ENTREP2: variants seen among roughly 807,000 people sequenced by gnomAD.
ENTREP2 encodes endosomal transmembrane epsin interactor 2.
the ENTREP2 span, among the ~76,000 whole-genome samples, chr15:29,517,700 C>G: frequency 6.6e-6 from 1 of 152,004 alleles, no homozygotes; most frequent in Non-Finnish European, 1.5e-5. Context: ...CCATGAACAG[C>G]GTGATGTCGA....
the ENTREP2 span, among the ~76,000 whole-genome samples, chr15:29,511,967 C>T: frequency 2.6e-5 from 4 of 151,660 alleles, no homozygotes; most frequent in African/African-American, 9.7e-5. Flanking sequence ...CTCATGCATA[C>T]TACAATATTA....
At chr15:29,292,167 T>C in the ENTREP2 span, among the ~76,000 whole-genome samples, 1 of 152,232 alleles carries the variant, frequency 6.6e-6, no homozygotes, top group South Asian at 2.1e-4. Context: ...GCCAGCACTT[T>C]CATGTTCTTA....
chr15:29,478,563 G>T, the ENTREP2 span, among the ~76,000 whole-genome samples: 2 of 151,972 alleles, frequency 1.3e-5, no homozygotes, highest in Non-Finnish European at 2.9e-5. Context: ...ATCCCTCATG[G>T]CTTGATGCCG....
the ENTREP2 span, among the ~76,000 whole-genome samples, chr15:29,357,561 G>A: frequency 1.3e-5 from 2 of 152,170 alleles, no homozygotes; most frequent in African/African-American, 2.4e-5. Flanking sequence ...ATCTCAGCCA[G>A]GCGTGGTGGC....
chr15:29,293,143 C>T, the ENTREP2 span, among the ~76,000 whole-genome samples: 5 of 152,090 alleles, frequency 3.3e-5, no homozygotes, highest in South Asian at 2.1e-4. Flanking sequence ...GCAAAGGCTC[C>T]GGAGGAGGAC....
At chr15:29,546,463 T>C in the ENTREP2 span, among the ~76,000 whole-genome samples, 1 of 151,598 alleles carries the variant, frequency 6.6e-6, no homozygotes, top group Non-Finnish European at 1.5e-5. Flanking sequence ...AGGAAAAGGA[T>C]GATACAAGTG....
chr15:29,264,948 CTG>C, the ENTREP2 span: 1 of 152,076 alleles, frequency 6.6e-6, no homozygotes, highest in African/African-American at 2.4e-5. Flanking sequence ...TATCAGAAAA[CTG>C]TATGTTATTA....
At chr15:29,286,010 T>A in the ENTREP2 span, among the ~76,000 whole-genome samples, 1 of 152,194 alleles carries the variant, frequency 6.6e-6, no homozygotes, top group South Asian at 2.1e-4. Flanking sequence ...TGATTTTTTT[T>A]AAACTAACAA....
chr15:29,232,936 T>C, the ENTREP2 span, among the ~76,000 whole-genome samples: 2 of 152,248 alleles, frequency 1.3e-5, no homozygotes, highest in South Asian at 4.1e-4. Context: ...GGTGAGATAG[T>C]AAACCATTTG....
the ENTREP2 span, among the ~76,000 whole-genome samples, chr15:29,506,984 C>G: frequency 6.6e-6 from 1 of 152,014 alleles, no homozygotes; most frequent in Non-Finnish European, 1.5e-5. Context: ...GAGTCAAGAC[C>G]CATCCATGTG....
the ENTREP2 span, among the ~76,000 whole-genome samples, chr15:29,662,402 G>T: frequency 2.0e-5 from 3 of 151,990 alleles, no homozygotes; most frequent in African/African-American, 7.3e-5. Context: ...TAAAAAATCC[G>T]ATGTGAAGAT....
chr15:29,603,048 G>A, the ENTREP2 span, among the ~76,000 whole-genome samples: 1 of 152,214 alleles, frequency 6.6e-6, no homozygotes, highest in African/African-American at 2.4e-5. Flanking sequence ...AATGACGAAA[G>A]GGGAAGAGCT....
At chr15:29,623,617 A>T in the ENTREP2 span, among the ~76,000 whole-genome samples, 1 of 152,202 alleles carries the variant, frequency 6.6e-6, no homozygotes, top group Admixed American at 6.5e-5. Flanking sequence ...TGAAAGCTCC[A>T]GTTCCAGATA....
the ENTREP2 span, among the ~76,000 whole-genome samples, chr15:29,531,408 G>A: frequency 1.3e-5 from 2 of 152,104 alleles, no homozygotes; most frequent in South Asian, 2.1e-4. Flanking sequence ...GGACTGGTGT[G>A]GGGGAGGGCC....
the ENTREP2 span, among the ~76,000 whole-genome samples, chr15:29,484,367 A>G: frequency 6.6e-6 from 1 of 152,174 alleles, no homozygotes; most frequent in African/African-American, 2.4e-5. Flanking sequence ...AATCTGTCAC[A>G]CCACCCACAA....
the ENTREP2 span, among the ~76,000 whole-genome samples, chr15:29,326,723 T>C: frequency 1.3e-5 from 2 of 152,132 alleles, no homozygotes; most frequent in Admixed American, 1.3e-4. Context: ...CAAACTTATA[T>C]GAAGAGGCCA....
the ENTREP2 span, among the ~76,000 whole-genome samples, chr15:29,494,565 A>G: frequency 2.0e-5 from 3 of 152,222 alleles, no homozygotes; most frequent in Non-Finnish European, 4.4e-5. Flanking sequence ...AATTTCAAGT[A>G]TACAAAACAT....
At chr15:29,214,159 T>C in the ENTREP2 span, among the ~76,000 whole-genome samples, 1 of 152,166 alleles carries the variant, frequency 6.6e-6, no homozygotes, top group African/African-American at 2.4e-5. Context: ...GAACTAGAAA[T>C]ACCATTTGAC....
chr15:29,300,222 G>T, the ENTREP2 span, among the ~76,000 whole-genome samples: 1 of 146,910 alleles, frequency 6.8e-6, no homozygotes, highest in Non-Finnish European at 1.5e-5. Flanking sequence ...GTGTACAGAT[G>T]GATAAGTGGA....
Sources: gnomAD v4.1 joint callset for allele counts (sites outside exome capture counted in the v4.1 genomes callset) on GRCh38, gnomAD v4.1.1 for gene constraint, MANE v1.5 for transcripts, NCBI Gene and HGNC (gene_info 2026-07-23, HGNC 2026-07-21) for gene names.